The following MYH7B variants were observed in gnomAD, a reference collection of about 807,000 sequenced individuals.
MYH7B encodes the protein myosin heavy chain 7B, also known as myosin-7B.
In MYH7B, 205 loss-of-function variants were observed where a neutral mutation model predicts 234.5. That is an observed-to-expected ratio of 0.87 (90% confidence interval 0.78 to 0.98). The LOEUF (loss-of-function observed/expected upper bound fraction) is 0.98. MYH7B is among the 50% of genes least tolerant of loss of function. The probability of loss-of-function intolerance (pLI) is 0.00; values close to 1 mark genes in which losing one functional copy is unlikely to be tolerated. For synonymous variants in MYH7B, 1,193 were observed against 1,105.0 expected (o/e 1.08, Z -1.58); for missense variants, 2,652 against 2,633.4 (o/e 1.01, Z -0.15).
At chr20:34,986,351 C>T (rs1324374402) in intron 14 of MYH7B, among the ~76,000 whole-genome samples, 153 bp downstream of exon 14, 1 of 152,216 alleles carries the variant, frequency 6.6e-6, no homozygotes, top group Non-Finnish European at 1.5e-5. Context: ...TGGTTACTTT[C>T]CTGCTAGGGA....
At chr20:35,000,299 C>G in exon 39 of MYH7B, 1 of 1,574,756 alleles carries the variant, frequency 6.4e-7, no homozygotes, top group Non-Finnish European at 8.6e-7. Context: ...ATAGGCGCAA[C>G]CACCAGCGAG....
chr20:34,988,084 T>C lies in MYH7B; in HGVS notation c.1417-8T>C, dbSNP rs1426219696. 1 of 1,610,644 alleles carries C rather than the reference T, an allele frequency of 6.2e-7. No individual in the cohort carries two copies. The highest frequency in any genetic ancestry group is 8.5e-7 in the Non-Finnish European group (1 of 1,178,088). On this transcript the variant is annotated splice_region_variant and splice_polypyrimidine_tract_variant and intron_variant, in intron 18 of 44. Coordinates refer to ENST00000262873, the Ensembl canonical transcript of MYH7B. ...AGGTCTGCTGAGCCAGGCCCCTCCCTCTTGTAGTTCAACAGCTTCGAACAG... is the reference window on the plus strand; with the variant it reads ...AGGTCTGCTGAGCCAGGCCCCTCCCCCTTGTAGTTCAACAGCTTCGAACAG...
At chr20:34,978,245 G>GGC in intron 5 of MYH7B, 149 bp downstream of exon 5, 1 of 899,942 alleles carries the variant, frequency 1.1e-6, no homozygotes, top group South Asian at 1.7e-5. Context: ...CAGAGTCTGG[G>GGC]GCCTGGAAAT....
exon 32 of MYH7B, chr20:34,997,346 G>A (rs1408743909): frequency 6.5e-7 from 1 of 1,540,252 alleles, no homozygotes; most frequent in Admixed American, 2.0e-5. Flanking sequence ...GGGAGCTGGA[G>A]GAGCTGAGCG....
chr20:34,979,283 C>A, intron 5 of MYH7B, 107 bp from the exon 6 acceptor site: 2 of 822,762 alleles, frequency 2.4e-6, no homozygotes, highest in Non-Finnish European at 3.8e-6. Flanking sequence ...GGCAGAGGGG[C>A]TTTGGGGAGG....
exon 27 of MYH7B, chr20:34,994,158 C>T: frequency 6.2e-7 from 1 of 1,613,194 alleles, no homozygotes; most frequent in Non-Finnish European, 8.5e-7. Flanking sequence ...ATGCGCTGTT[C>T]ACCATCCAGT....
chr20:34,994,308 G>A (rs778142731), exon 27 of MYH7B: 22 of 1,610,202 alleles, frequency 1.4e-5, no homozygotes, highest in South Asian at 4.4e-5. Flanking sequence ...TGCGAGGGGC[G>A]CTGGCTGCGG....
At position 34,977,693 on chromosome 20, in the gene MYH7B, G is replaced by A; in HGVS notation, c.-73+13G>A. 1.9e-6 allele frequency: 3 copies of A among 1,569,078 alleles called. No individual in the cohort carries two copies. The highest frequency in any genetic ancestry group is 2.6e-6 in the Non-Finnish European group (3 of 1,156,766). ...CCGTGGTGCCGAGGTAGGTGATCAG[G>A]GCTGGGGTTGGAGCCGAAGGGAGGG... On this transcript the variant is annotated intron_variant, in intron 4 of 44. Transcript: ENST00000262873.
At chr20:34,965,834 TG>T (rs1442122495) in intron 2 of MYH7B, among the ~76,000 whole-genome samples, 1 of 152,120 alleles carries the variant, frequency 6.6e-6, no homozygotes, top group Non-Finnish European at 1.5e-5. Flanking sequence ...CTGGTTTAGT[TG>T]TAAACTCTCA....
intron 2 of MYH7B, among the ~76,000 whole-genome samples, chr20:34,974,926 A>G (rs981070754): frequency 1.3e-5 from 2 of 152,206 alleles, no homozygotes; most frequent in African/African-American, 4.8e-5. Flanking sequence ...TAGGCAAGGT[A>G]CAATCTAAGC....
chr20:34,987,784 C>A (rs1460338541), exon 18 of MYH7B: 1 of 1,614,200 alleles, frequency 6.2e-7, no homozygotes. Context: ...GCTGTGGGGG[C>A]TCTGGCCAAG....
chr20:34,993,575 C>A, intron 26 of MYH7B, 105 bp downstream of exon 26: 4 of 1,299,714 alleles, frequency 3.1e-6, no homozygotes, highest in African/African-American at 1.5e-5. Context: ...GTCAGATCAG[C>A]CCCTGTGGCT....
At chr20:34,990,553 G>C (rs1003602086) in intron 22 of MYH7B, 185 bp from the exon 23 acceptor site, 3 of 798,886 alleles carry the variant, frequency 3.8e-6, no homozygotes, top group African/African-American at 1.7e-5. Flanking sequence ...ATTTGGCAGG[G>C]AAGTGAAGAC....
chr20:34,999,435 T>C (rs1367081906), intron 36 of MYH7B, 30 bp downstream of exon 36: 8 of 1,511,162 alleles, frequency 5.3e-6, no homozygotes, highest in Non-Finnish European at 7.1e-6. Context: ...AGGGCCAGGG[T>C]GCTGCCCTGG....
chr20:34,982,656 T>G, intron 10 of MYH7B, 101 bp downstream of exon 10: 5 of 1,036,000 alleles, frequency 4.8e-6, no homozygotes, highest in Non-Finnish European at 6.8e-6. Flanking sequence ...AAAATTTTAC[T>G]CCCCAGAACC....
chr20:34,966,160 TG>T (rs2081739671), intron 2 of MYH7B, among the ~76,000 whole-genome samples: 3 of 152,122 alleles, frequency 2.0e-5, no homozygotes, highest in Admixed American at 6.5e-5. Flanking sequence ...GACTCCCAGA[TG>T]GGTTGGAGGG....
chr20:34,994,045 A>C, intron 26 of MYH7B, 101 bp from the exon 27 acceptor site: 3 of 1,471,072 alleles, frequency 2.0e-6, no homozygotes, highest in East Asian at 4.6e-5. Flanking sequence ...GAGCTACTCC[A>C]TGAGGCTGCT....
At chr20:34,977,803 G>A (rs2147168124) in intron 4 of MYH7B, 123 bp downstream of exon 4, 2 of 1,498,806 alleles carry the variant, frequency 1.3e-6, no homozygotes, top group East Asian at 4.5e-5. Flanking sequence ...TGGTGTTTGA[G>A]GGTGTGCATG....
At chr20:34,991,169 G>A (rs781539453) in intron 24 of MYH7B, 48 bp downstream of exon 24, 1 of 1,355,926 alleles carries the variant, frequency 7.4e-7, no homozygotes, top group South Asian at 1.3e-5. Flanking sequence ...GAGGCCTGAG[G>A]GGCTGGGCAG....
Sources: gnomAD v4.1 joint callset for allele counts (sites outside exome capture counted in the v4.1 genomes callset) on GRCh38, gnomAD v4.1.1 for gene constraint, MANE v1.5 for transcripts, NCBI Gene and HGNC (gene_info 2026-07-23, HGNC 2026-07-21) for gene names.